RRM2: variants seen among roughly 807,000 people sequenced by gnomAD.
RRM2 encodes the protein ribonucleoside-diphosphate reductase subunit M2.
A neutral mutation model predicts 45.9 loss-of-function variants in RRM2; 6 were observed. The observed-to-expected ratio is 0.13, with a 90% confidence interval of 0.07 to 0.26. RRM2 has a LOEUF of 0.26. RRM2 is among the 10% of genes least tolerant of loss of function. The probability of loss-of-function intolerance (pLI) is 1.00; values close to 1 mark genes in which losing one functional copy is unlikely to be tolerated. For synonymous variants in RRM2, 177 were observed against 173.0 expected (o/e 1.02, Z -0.18); for missense variants, 343 against 489.5 (o/e 0.70, Z 2.82).
intron 3 of RRM2, among the ~76,000 whole-genome samples, chr2:10,145,014 G>A (rs1663159919): frequency 6.6e-6 from 1 of 152,194 alleles, no homozygotes; most frequent in African/African-American, 2.4e-5. Flanking sequence ...AAGAGGAGGT[G>A]GCCTTTCCCT....
intron 1 of RRM2, chr2:10,141,734 C>A: frequency 3.5e-6 from 5 of 1,426,178 alleles, no homozygotes; most frequent in Non-Finnish European, 4.7e-6. Flanking sequence ...GGGTGGGGTA[C>A]TGTTCCAAGC....
chr2:10,143,597 G>T (rs1192014177), intron 3 of RRM2, among the ~76,000 whole-genome samples: 1 of 152,212 alleles, frequency 6.6e-6, no homozygotes, highest in Non-Finnish European at 1.5e-5. Context: ...TGCACTGGGG[G>T]GGCCTGGTTG....
Position 10,185,462 on chromosome 2 carries a change from T to C in RRM2, n.483-24849T>C, listed in dbSNP as rs1176054711. 6.6e-6 allele frequency among the ~76,000 whole-genome samples: 1 copy of C among 152,180 alleles called. No homozygotes were observed. Among genetic ancestry groups the C allele is most frequent in the East Asian group, 1.9e-4 (1 of 5,202 alleles). ...TTGAACATAGGCAAAAATAGAATAA[T>C]AGAAAAGCCCAGCGTGCGACATCAG... On this transcript the variant is annotated intron_variant and non_coding_transcript_variant, in intron 3 of 3. Coordinates refer to the RRM2 transcript ENST00000381786. This position sits in a 1 kb window ranked among gnomAD's most constrained non-coding sequence, Gnocchi z 4.3.
intron 3 of RRM2, among the ~76,000 whole-genome samples, chr2:10,168,904 A>G (rs1048373576): frequency 3.3e-5 from 5 of 151,548 alleles, no homozygotes; most frequent in Admixed American, 1.3e-4. Flanking sequence ...CAAATGCTCA[A>G]CACACACCCG....
At position 10,199,509 on chromosome 2, in the gene RRM2, T is replaced by C. The variant is rs200254209; in HGVS notation, n.483-10802T>C. ...AAAAGACAAATCATGGGGCCAGGTG[T>C]GGTGGCTCACACCTGTAATCCCAGC... On this transcript the variant is annotated intron_variant and non_coding_transcript_variant, in intron 3 of 3. Coordinates refer to the RRM2 transcript ENST00000381786. Among the ~76,000 whole-genome samples the C allele has an allele frequency of 4.0e-3, 611 of 151,902 alleles. 10 individuals carry two copies. In the East Asian group the frequency reaches 0.041, roughly 10 times the overall value.
chr2:10,205,679 T>TTTTTA lies in RRM2; in HGVS notation n.483-4618_483-4614dup. On this transcript the variant is annotated intron_variant and non_coding_transcript_variant, in intron 3 of 3. Coordinates refer to the RRM2 transcript ENST00000381786. This position sits in a 1 kb window ranked among gnomAD's most constrained non-coding sequence, Gnocchi z 4.8. ...ACACAGTTTGAGAGGGTCCTTTTTA[T>TTTTTA]TTTTATTTTATTTTATTTATTTATT... Among the ~76,000 whole-genome samples the TTTTTA allele has an allele frequency of 6.6e-6, 1 of 152,176 alleles. No homozygotes were observed. Among genetic ancestry groups the TTTTTA allele is most frequent in the Middle Eastern group, 3.4e-3 (1 of 294 alleles).
rs115524511 is a variant in RRM2 at position 10,171,356 on chromosome 2, G to A, written n.482+28981G>A. ...AGCAAAGGGAAAGAGAAATCCAGTG[G>A]CACCAGTGGGCTGAGAAACTGTCGG... On this transcript the variant is annotated intron_variant and non_coding_transcript_variant, in intron 3 of 3. Coordinates refer to the RRM2 transcript ENST00000381786. The surrounding 1 kb of genome is among the most constrained non-coding windows in gnomAD (Gnocchi z 4.1). 9.6e-3 allele frequency among the ~76,000 whole-genome samples: 1,460 copies of A among 152,346 alleles called. 30 individuals are homozygous for A. The highest frequency in any genetic ancestry group is 0.034 in the African/African-American group (1,402 of 41,568).
At chr2:10,187,862 C>T (rs959779951) in intron 3 of RRM2, among the ~76,000 whole-genome samples, 1 of 152,204 alleles carries the variant, frequency 6.6e-6, no homozygotes, top group Non-Finnish European at 1.5e-5. Context: ...GCCATTTGCC[C>T]AATGCTCCCT....
chr2:10,122,788 G>T lies in RRM2; in HGVS notation c.-11G>T. On this transcript the variant is annotated 5_prime_UTR_variant, in exon 1 of 10. Coordinates refer to ENST00000304567, the MANE Select transcript of RRM2 (RefSeq NM_001034.4). ...TCCTGGCTGCTCGCTCTGCTTCGCT[G>T]CGCCTCCACTATGCTCTCCCTCCGT... 1.3e-6 allele frequency: 2 copies of T among 1,577,958 alleles called. No individual in the cohort carries two copies. Among genetic ancestry groups the T allele is most frequent in the Non-Finnish European group, 1.7e-6 (2 of 1,162,950 alleles).
intron 3 of RRM2, among the ~76,000 whole-genome samples, chr2:10,178,428 G>T (rs1471178600): frequency 1.3e-5 from 2 of 151,468 alleles, no homozygotes; most frequent in African/African-American, 2.4e-5. Flanking sequence ...TCACCATGTC[G>T]ACCAGACTGG....
chr2:10,198,586 TTG>T (rs1664464802), intron 3 of RRM2: 1 of 152,084 alleles, frequency 6.6e-6, no homozygotes, highest in Non-Finnish European at 1.5e-5. Context: ...GTATTTTTTT[TTG>T]TAGAGATGGG....
intron 7 of RRM2, among the ~76,000 whole-genome samples, chr2:10,128,574 C>T (rs1326130548): frequency 6.6e-6 from 1 of 152,206 alleles, no homozygotes; most frequent in Non-Finnish European, 1.5e-5. Flanking sequence ...TCTGACTCCT[C>T]CTTTGCCAAC....
At chr2:10,163,339 G>A (rs1200178774) in intron 3 of RRM2, among the ~76,000 whole-genome samples, 5 of 131,866 alleles carry the variant, frequency 3.8e-5, no homozygotes, top group Non-Finnish European at 6.5e-5. Flanking sequence ...GCGGGGGGGT[G>A]GGGGGGCATC....
intron 4 of RRM2, 182 bp downstream of exon 4, chr2:10,124,034 G>A (rs1558379358): frequency 1.6e-6 from 1 of 610,372 alleles, no homozygotes; most frequent in Non-Finnish European, 2.9e-6. Context: ...GTATTTTCCC[G>A]ACTCTAGAGA....
rs2125335177 is a variant in RRM2, at chr2:10,205,696, T to G, written n.483-4615T>G. On this transcript the variant is annotated intron_variant and non_coding_transcript_variant, in intron 3 of 3. Coordinates refer to the RRM2 transcript ENST00000381786. The surrounding 1 kb of genome is among the most constrained non-coding windows in gnomAD (Gnocchi z 4.8). ...CCTTTTTATTTTTATTTTATTTTATTTATTTATTTTTTTGAGATGGAGTCT... is the reference window on the plus strand; with the variant it reads ...CCTTTTTATTTTTATTTTATTTTATGTATTTATTTTTTTGAGATGGAGTCT... Among the ~76,000 whole-genome samples, 1 of 152,144 alleles carries G rather than the reference T, an allele frequency of 6.6e-6. No homozygotes were observed. The highest frequency in any genetic ancestry group is 2.4e-5 in the African/African-American group (1 of 41,540).
intron 5 of RRM2, 119 bp downstream of exon 5, chr2:10,124,969 T>C: frequency 2.2e-6 from 2 of 903,310 alleles, no homozygotes; most frequent in Non-Finnish European, 3.3e-6. Context: ...GTCATAGGCA[T>C]TCCCAGCACC....
intron 3 of RRM2, among the ~76,000 whole-genome samples, chr2:10,154,294 C>T (rs1349121480): frequency 1.3e-5 from 2 of 151,856 alleles, no homozygotes; most frequent in South Asian, 4.2e-4. Context: ...GCCAACATAG[C>T]GAGACCTCGC....
At chr2:10,167,470 C>T (rs1558394936) in intron 3 of RRM2, among the ~76,000 whole-genome samples, 1 of 152,062 alleles carries the variant, frequency 6.6e-6, no homozygotes, top group African/African-American at 2.4e-5. Context: ...CGTGCCTGTG[C>T]GTAGGATGTG....
chr2:10,140,076 C>T (rs1005153894), upstream of RRM2, among the ~76,000 whole-genome samples: 1 of 151,750 alleles, frequency 6.6e-6, no homozygotes, highest in Non-Finnish European at 1.5e-5. Flanking sequence ...GAGAAAGCCC[C>T]TCTCTACTAA....
Sources: allele counts gnomAD v4.1 joint callset (sites outside exome capture counted in the v4.1 genomes callset), GRCh38; gene constraint gnomAD v4.1.1; non-coding constraint Gnocchi (gnomAD v3.1); transcripts MANE v1.5; gene names NCBI Gene and HGNC (gene_info 2026-07-23, HGNC 2026-07-21).